PCDH9: variants seen among roughly 807,000 people sequenced by gnomAD.
PCDH9 encodes the protein protocadherin 9, also known as protocadherin-9.
Under a neutral mutation model 70.6 loss-of-function variants are expected in PCDH9, and 24 were observed. The ratio of observed to expected loss-of-function variants is 0.34; its 90% CI spans 0.25 to 0.48. The LOEUF (loss-of-function observed/expected upper bound fraction) is 0.48. PCDH9 is among the 20% of genes least tolerant of loss of function. The pLI is 0.99. For synonymous variants in PCDH9, 562 were observed against 558.5 expected, an observed-to-expected ratio of 1.01 and a Z score of -0.09; for missense variants, 1,281 against 1,503.6, an observed-to-expected ratio of 0.85 and a Z score of 2.45.
chr13:67,114,600 C>G (rs1306659058), intron 2 of PCDH9, among the ~76,000 whole-genome samples: 1 of 152,094 alleles, frequency 6.6e-6, no homozygotes, highest in Non-Finnish European at 1.5e-5. Context: ...ATTGCATACT[C>G]TATAAGGCAA....
intron 4 of PCDH9, among the ~76,000 whole-genome samples, chr13:66,388,217 A>G (rs1002594107): frequency 1.6e-4 from 25 of 152,202 alleles, no homozygotes; most frequent in Admixed American, 6.5e-5. Flanking sequence ...AGGAATGGAG[A>G]ATATATCATT....
At chr13:66,326,492 C>G (rs1955849173) in intron 4 of PCDH9, among the ~76,000 whole-genome samples, 1 of 152,012 alleles carries the variant, frequency 6.6e-6, no homozygotes, top group South Asian at 2.1e-4. Context: ...GATCTCGGCT[C>G]ACTGCAAGCT....
chr13:67,055,286 T>C (rs945885024), intron 2 of PCDH9, among the ~76,000 whole-genome samples: 12 of 152,240 alleles, frequency 7.9e-5, no homozygotes, highest in African/African-American at 2.9e-4. Flanking sequence ...AAGTGAACTC[T>C]GACAGGCTCC....
intron 4 of PCDH9, among the ~76,000 whole-genome samples, chr13:66,504,054 A>T (rs1185989450): frequency 6.6e-6 from 1 of 152,124 alleles, no homozygotes; most frequent in African/African-American, 2.4e-5. Context: ...CACTGACTTG[A>T]TCTCTGCTCC....
intron 4 of PCDH9, among the ~76,000 whole-genome samples, chr13:66,391,883 C>CAT (rs140840857): frequency 0.37 from 53,194 of 142,898 alleles, 9,946 homozygotes; most frequent in Non-Finnish European, 0.43. Context: ...GCCATATATG[C>CAT]ATATATATAT....
chr13:66,925,435 TG>T (rs1459631084), intron 2 of PCDH9, among the ~76,000 whole-genome samples: 1 of 151,884 alleles, frequency 6.6e-6, no homozygotes, highest in East Asian at 1.9e-4. Flanking sequence ...TGTAGTTCTA[TG>T]GGGAGAAGCC....
At position 66,656,518 on chromosome 13, in the gene PCDH9, C is replaced by A. The variant is rs1468238708; in HGVS notation, c.3139-25107G>T. On this transcript the variant is annotated intron_variant, in intron 3 of 4. Transcript: ENST00000377865. ...CTTTTGAAAGCTAATTATTTCCTTT[C>A]TTTTTCTTTCTTTAATAAGTGTCAT... is the stretch of plus-strand genomic sequence containing the variant. Among the ~76,000 whole-genome samples, 3 of 150,974 alleles carry A rather than the reference C, an allele frequency of 2.0e-5. No individual in the cohort carries two copies. In the East Asian group the frequency reaches 5.8e-4, roughly 29 times the overall value.
intron 3 of PCDH9, among the ~76,000 whole-genome samples, chr13:66,797,912 TACAC>T (rs959479105): frequency 1.3e-4 from 20 of 151,888 alleles, no homozygotes; most frequent in African/African-American, 3.9e-4. Flanking sequence ...CCTCAGGTCA[TACAC>T]ACAGAATGCA....
At chr13:66,447,963 T>C (rs3904582) in intron 4 of PCDH9, among the ~76,000 whole-genome samples, 41,072 of 152,006 alleles carry the variant, frequency 0.27, 5,801 homozygotes, top group South Asian at 0.35. Context: ...ATCCTACCTC[T>C]TTCTCATTGT....
chr13:66,337,676 T>C (rs1467585266), intron 4 of PCDH9, among the ~76,000 whole-genome samples: 1 of 152,014 alleles, frequency 6.6e-6, no homozygotes, highest in Non-Finnish European at 1.5e-5. Flanking sequence ...TATTTCTGAG[T>C]CTAGGACAAG....
chr13:66,807,974 G>C (rs1031625633), intron 3 of PCDH9, among the ~76,000 whole-genome samples: 3 of 152,100 alleles, frequency 2.0e-5, no homozygotes, highest in African/African-American at 7.2e-5. Context: ...GTGTTATGGG[G>C]GTAGATGGAG....
At chr13:66,904,103 T>A (rs117593432) in intron 2 of PCDH9, among the ~76,000 whole-genome samples, 59 of 151,988 alleles carry the variant, frequency 3.9e-4, no homozygotes, top group Non-Finnish European at 8.1e-4. Flanking sequence ...CCACATGAAC[T>A]ACCTTTATAA....
chr13:66,340,913 T>C (rs1176811929), intron 4 of PCDH9, among the ~76,000 whole-genome samples: 1 of 152,168 alleles, frequency 6.6e-6, no homozygotes, highest in Non-Finnish European at 1.5e-5. Flanking sequence ...TCTGTAGGGT[T>C]TATACCTTTA....
At chr13:66,717,975 C>T (rs1452799483) in intron 3 of PCDH9, among the ~76,000 whole-genome samples, 1 of 152,106 alleles carries the variant, frequency 6.6e-6, no homozygotes, top group African/African-American at 2.4e-5. Context: ...TGTTGCTATT[C>T]ATAGCTTAAC....
intron 4 of PCDH9, among the ~76,000 whole-genome samples, chr13:66,365,216 G>A (rs948119894): frequency 1.3e-5 from 2 of 152,270 alleles, no homozygotes; most frequent in South Asian, 4.1e-4. Flanking sequence ...GCTACAGCAG[G>A]CAGGGAGCAG....
At chr13:66,666,021 T>G (rs892978124) in intron 3 of PCDH9, among the ~76,000 whole-genome samples, 1 of 152,154 alleles carries the variant, frequency 6.6e-6, no homozygotes. Context: ...AGAATACAGC[T>G]GAATTAGAGG....
intron 3 of PCDH9, among the ~76,000 whole-genome samples, chr13:66,678,832 A>G (rs1156729643): frequency 1.3e-5 from 2 of 151,906 alleles, no homozygotes; most frequent in Non-Finnish European, 2.9e-5. Context: ...TAGAATTCAC[A>G]CTTAGTACAC....
intron 4 of PCDH9, among the ~76,000 whole-genome samples, chr13:66,382,296 A>G (rs1956862502): frequency 1.3e-5 from 2 of 152,218 alleles, no homozygotes; most frequent in African/African-American, 4.8e-5. Flanking sequence ...GAATCTAATT[A>G]GCAAGAATAG....
At chr13:66,353,712 G>T (rs1374030404) in intron 4 of PCDH9, among the ~76,000 whole-genome samples, 13 of 151,232 alleles carry the variant, frequency 8.6e-5, no homozygotes, top group African/African-American at 2.9e-4. Flanking sequence ...TTTTTTCATA[G>T]TTGTAAAATG....
Sources: allele counts gnomAD v4.1 joint callset (sites outside exome capture counted in the v4.1 genomes callset), GRCh38; gene constraint gnomAD v4.1.1; transcripts MANE v1.5; gene names NCBI Gene and HGNC (gene_info 2026-07-23, HGNC 2026-07-21).